CALN1: variants seen among roughly 807,000 people sequenced by gnomAD.
CALN1 encodes calcium-binding protein 8.
In CALN1, 17 loss-of-function variants were observed where a neutral mutation model predicts 30.6. That is an observed-to-expected ratio of 0.56 (90% CI 0.38 to 0.83). CALN1 has a LOEUF of 0.83. Ranked by LOEUF, CALN1 falls within the 40% of genes least tolerant of loss-of-function variation. CALN1 has a pLI of 0.00. For missense variants in CALN1, 291 were observed against 354.9 expected, an observed-to-expected ratio of 0.82 and a Z score of 1.45; for synonymous variants, 156 against 131.4, an observed-to-expected ratio of 1.19 and a Z score of -1.28.
chr7:72,282,005 C>T (rs551996429), intron 2 of CALN1, among the ~76,000 whole-genome samples: 9 of 152,238 alleles, frequency 5.9e-5, no homozygotes, highest in Admixed American at 2.0e-4. Context: ...ATTCAAAAAG[C>T]TCAAAGTCTA....
chr7:71,917,553 G>A (rs1794741451), intron 5 of CALN1, among the ~76,000 whole-genome samples: 1 of 152,092 alleles, frequency 6.6e-6, no homozygotes. Context: ...AATAAAAGAG[G>A]TTTAATTGAC....
chr7:72,493,159 C>A, the CALN1 span, among the ~76,000 whole-genome samples: 1 of 151,990 alleles, frequency 6.6e-6, no homozygotes, highest in Non-Finnish European at 1.5e-5. Context: ...CCGGGTCTCC[C>A]ACCACCTCCC....
intron 4 of CALN1, among the ~76,000 whole-genome samples, chr7:72,043,671 C>T (rs557340653): frequency 4.6e-5 from 7 of 152,012 alleles, no homozygotes; most frequent in Middle Eastern, 3.2e-3. Flanking sequence ...CTCTGGAGGT[C>T]GAGGCAGAAG....
the CALN1 span, among the ~76,000 whole-genome samples, chr7:72,477,943 A>G: frequency 1.3e-5 from 2 of 152,096 alleles, no homozygotes; most frequent in African/African-American, 4.8e-5. Context: ...CATTCGTATC[A>G]CGCTTTTCTG....
chr7:72,308,884 A>G (rs375126396), intron 2 of CALN1, among the ~76,000 whole-genome samples: 1 of 152,228 alleles, frequency 6.6e-6, no homozygotes, highest in African/African-American at 2.4e-5. Context: ...TGCAAGTACC[A>G]AAGGAAAATT....
chr7:71,999,303 A>T (rs1226406186), intron 5 of CALN1, among the ~76,000 whole-genome samples: 2 of 152,204 alleles, frequency 1.3e-5, no homozygotes, highest in Non-Finnish European at 2.9e-5. Context: ...ATATGGCCAC[A>T]TCAAAAAGCT....
In CALN1 at chr7:72,333,282, G is replaced by T. The variant is rs373848131; in HGVS notation, c.120-54472C>A. Among the ~76,000 whole-genome samples the T allele has an allele frequency of 5.3e-5, 8 of 152,272 alleles. No individual in the cohort carries two copies. The East Asian group carries it at 7.7e-4, about 15-fold the overall frequency. Reference sequence around the variant, plus strand: ...TGGTCTGGCCTCCCCACTAATCTGTGAATTTTTTGATGACAGGCACTGTGT... The same window carrying T: ...TGGTCTGGCCTCCCCACTAATCTGTTAATTTTTTGATGACAGGCACTGTGT... On this transcript the variant is annotated intron_variant, in intron 2 of 6. Coordinates refer to ENST00000395275, the MANE Select transcript of CALN1 (RefSeq NM_031468.4).
the CALN1 span, among the ~76,000 whole-genome samples, chr7:72,475,879 G>A: frequency 6.7e-6 from 1 of 149,190 alleles, no homozygotes; most frequent in South Asian, 2.2e-4. Context: ...AGTCTCACGA[G>A]ATCTGATGGT....
chr7:72,482,367 A>G, the CALN1 span, among the ~76,000 whole-genome samples: 1 of 152,164 alleles, frequency 6.6e-6, no homozygotes, highest in Non-Finnish European at 1.5e-5. Flanking sequence ...TAGTGTAGTT[A>G]CGATATAATG....
intron 5 of CALN1, among the ~76,000 whole-genome samples, chr7:71,883,073 A>T (rs923419407): frequency 6.6e-6 from 1 of 152,062 alleles, no homozygotes; most frequent in Non-Finnish European, 1.5e-5. Context: ...TTATTTGTGC[A>T]TTTTCCCTCT....
At chr7:71,905,407 C>A (rs1269263862) in intron 5 of CALN1, among the ~76,000 whole-genome samples, 1 of 150,988 alleles carries the variant, frequency 6.6e-6, no homozygotes, top group Non-Finnish European at 1.5e-5. Context: ...ATCTCTATCC[C>A]CCCTCCTACC....
At chr7:72,409,500 G>A (rs998092718) in intron 1 of CALN1, among the ~76,000 whole-genome samples, 2 of 145,290 alleles carry the variant, frequency 1.4e-5, no homozygotes, top group Admixed American at 1.4e-4. Flanking sequence ...AGTCTGAGTG[G>A]ACTGGCCAAC....
At chr7:72,093,965 A>T (rs1345875999) in intron 4 of CALN1, among the ~76,000 whole-genome samples, 1 of 152,208 alleles carries the variant, frequency 6.6e-6, no homozygotes, top group African/African-American at 2.4e-5. Context: ...CCTCTCTTAC[A>T]GCTCAGACAA....
rs184425645 is a variant in CALN1 at position 72,135,987 on chromosome 7, G to T, written c.245-29693C>A. Among the ~76,000 whole-genome samples, 3 of 152,126 alleles carry T rather than the reference G, an allele frequency of 2.0e-5. No individual in the cohort carries two copies. In the East Asian group the frequency reaches 5.8e-4, roughly 29 times the overall value. The stretch of plus-strand genomic sequence containing the variant: ...ATCTCTACTAAAACTACAAAAATAA[G>T]CTGGGCGTGGTGGTAGATGCCTGTA... On this transcript the variant is annotated intron_variant, in intron 3 of 6. Transcript: ENST00000395275.
At chr7:72,223,474 T>C (rs1254468727) in intron 3 of CALN1, among the ~76,000 whole-genome samples, 2 of 152,124 alleles carry the variant, frequency 1.3e-5, no homozygotes, top group Admixed American at 6.5e-5. Flanking sequence ...AGGAACCAAG[T>C]GGCTTCTCTC....
At chr7:72,012,034 A>C (rs1476428326) in intron 5 of CALN1, among the ~76,000 whole-genome samples, 1 of 151,916 alleles carries the variant, frequency 6.6e-6, no homozygotes, top group African/African-American at 2.4e-5. Flanking sequence ...AGATTGAATA[A>C]AAAAAATACT....
At chr7:72,443,836 C>A (rs192433816) in intron 1 of CALN1, among the ~76,000 whole-genome samples, 40 of 150,970 alleles carry the variant, frequency 2.6e-4, no homozygotes, top group Non-Finnish European at 4.9e-4. Flanking sequence ...TGATGATTAT[C>A]TTTGATCAAC....
intron 3 of CALN1, among the ~76,000 whole-genome samples, chr7:72,195,112 A>T (rs1790895110): frequency 6.6e-6 from 1 of 152,154 alleles, no homozygotes; most frequent in African/African-American, 2.4e-5. Flanking sequence ...CACATTGCCA[A>T]GTGCCTTCAT....
At chr7:71,882,894 T>TGTGTGTGTG (rs1792669257) in intron 5 of CALN1, among the ~76,000 whole-genome samples, 2 of 99,080 alleles carry the variant, frequency 2.0e-5, no homozygotes, top group African/African-American at 7.7e-5. Context: ...GTGTGTGTGT[T>TGTGTGTGTG]TGTAAAGACA....
Sources: gnomAD v4.1 joint callset for allele counts (sites outside exome capture counted in the v4.1 genomes callset) on GRCh38, gnomAD v4.1.1 for gene constraint, MANE v1.5 for transcripts, NCBI Gene and HGNC (gene_info 2026-07-23, HGNC 2026-07-21) for gene names.